Variants in C1QTNF3 observed in about 807,000 individuals in gnomAD.
C1QTNF3 encodes the protein C1q and TNF related 3.
C1QTNF3 carries 26 observed loss-of-function variants against 32.6 expected under a neutral mutation model. The ratio of observed to expected loss-of-function variants is 0.80; its 90% CI spans 0.58 to 1.11. The LOEUF (loss-of-function observed/expected upper bound fraction) is 1.11, where lower values mean the gene tolerates loss of function less well. Among genes scored for constraint, C1QTNF3 ranks in the 50% least tolerant of loss-of-function variants. The pLI, the probability that C1QTNF3 is intolerant of heterozygous loss-of-function variation, is 0.00. For missense variants in C1QTNF3, 362 were observed against 398.2 expected (o/e 0.91, Z 0.77); for synonymous variants, 155 against 146.0 (o/e 1.06, Z -0.44).
the C1QTNF3 span, among the ~76,000 whole-genome samples, chr5:34,211,629 A>C: frequency 8.0e-4 from 117 of 145,670 alleles, no homozygotes; most frequent in Non-Finnish European, 1.6e-3. Flanking sequence ...CGTATGAGTG[A>C]GAACATCCGG....
At chr5:34,077,022 A>G in the C1QTNF3 span, among the ~76,000 whole-genome samples, 7 of 151,824 alleles carry the variant, frequency 4.6e-5, no homozygotes, top group African/African-American at 1.7e-4. Flanking sequence ...TTATTTTAAC[A>G]AGCTGTTATA....
chr5:34,217,332 TAATAA>T, the C1QTNF3 span, among the ~76,000 whole-genome samples: 3 of 152,142 alleles, frequency 2.0e-5, no homozygotes, highest in African/African-American at 7.2e-5. Context: ...TTCAGAAACT[TAATAA>T]AATGAGAATT....
intron 3 of C1QTNF3, chr5:34,029,151 T>C (rs1754548488): frequency 4.1e-6 from 1 of 243,324 alleles, no homozygotes; most frequent in Admixed American, 5.5e-5. Context: ...AATTCTGTTA[T>C]CAAATAATAC....
chr5:34,078,559 C>T, the C1QTNF3 span, among the ~76,000 whole-genome samples: 1 of 151,568 alleles, frequency 6.6e-6, no homozygotes, highest in Non-Finnish European at 1.5e-5. The surrounding 1 kb of genome is among the most constrained non-coding windows in gnomAD (Gnocchi z 4.0). Context: ...GAAACCGCCT[C>T]CATGATCGAA....
At chr5:34,156,430 A>T in the C1QTNF3 span, among the ~76,000 whole-genome samples, 2,010 of 152,340 alleles carry the variant, frequency 0.013, 23 homozygotes, top group South Asian at 0.032. Flanking sequence ...TAGTATTTAT[A>T]CTGTGATTAT....
chr5:34,087,364 C>T, the C1QTNF3 span, among the ~76,000 whole-genome samples: 1 of 151,870 alleles, frequency 6.6e-6, no homozygotes, highest in Non-Finnish European at 1.5e-5. Context: ...GACAAAGTTT[C>T]GGATTAACAC....
rs1312461493 is a variant in C1QTNF3 at position 34,019,411 on chromosome 5, A to G, written c.*1172T>C. Reference sequence around the variant, plus strand: ...GTGAAAACTTAGAATTTAAGCATGAACATTACAAAGACTTAAGGTATGTGA... The same window carrying G: ...GTGAAAACTTAGAATTTAAGCATGAGCATTACAAAGACTTAAGGTATGTGA... On this transcript the variant is annotated 3_prime_UTR_variant, in exon 6 of 6. Coordinates refer to ENST00000382065, the MANE Select transcript of C1QTNF3 (RefSeq NM_181435.6). 2 of 152,234 alleles carry G rather than the reference A, an allele frequency of 1.3e-5. No homozygotes were observed. The highest frequency in any genetic ancestry group is 1.3e-4 in the Admixed American group (2 of 15,290). The allele number at this position is 152,234 out of a possible 1,614,324, so 9.4% of individuals were successfully genotyped here.
At chr5:34,170,396 A>C in the C1QTNF3 span, among the ~76,000 whole-genome samples, 2 of 152,142 alleles carry the variant, frequency 1.3e-5, no homozygotes, top group Non-Finnish European at 2.9e-5. Context: ...TGTGCATGTC[A>C]AAATTTGTTG....
the C1QTNF3 span, among the ~76,000 whole-genome samples, chr5:34,056,924 A>T: frequency 1.9e-4 from 29 of 152,204 alleles, no homozygotes; most frequent in African/African-American, 6.5e-4. Flanking sequence ...AACAAGCACA[A>T]ATAGTAACCT....
chr5:34,111,319 C>G, the C1QTNF3 span, among the ~76,000 whole-genome samples: 1 of 152,098 alleles, frequency 6.6e-6, no homozygotes, highest in African/African-American at 2.4e-5. Flanking sequence ...TCTTTATTCT[C>G]TTCAAACTCT....
chr5:34,126,115 G>A, the C1QTNF3 span, among the ~76,000 whole-genome samples: 1 of 152,172 alleles, frequency 6.6e-6, no homozygotes, highest in Admixed American at 6.5e-5. Flanking sequence ...GTTCTACTCA[G>A]ACAGAAAGTA....
the C1QTNF3 span, among the ~76,000 whole-genome samples, chr5:34,231,199 G>T: frequency 6.6e-6 from 1 of 152,136 alleles, no homozygotes; most frequent in African/African-American, 2.4e-5. Flanking sequence ...ATTTCAGGGA[G>T]TTCCACTGGT....
chr5:34,211,352 T>G, the C1QTNF3 span, among the ~76,000 whole-genome samples: 1 of 152,122 alleles, frequency 6.6e-6, no homozygotes, highest in East Asian at 1.9e-4. Flanking sequence ...GTTTATTATT[T>G]TGCATGAGGT....
At chr5:34,124,961 AG>A in the C1QTNF3 span, among the ~76,000 whole-genome samples, 1 of 152,142 alleles carries the variant, frequency 6.6e-6, no homozygotes, top group Admixed American at 6.5e-5. Flanking sequence ...TTACAAGGCA[AG>A]GAAGGGGAGG....
the C1QTNF3 span, among the ~76,000 whole-genome samples, chr5:34,134,534 A>T: frequency 6.6e-6 from 1 of 152,212 alleles, no homozygotes; most frequent in Non-Finnish European, 1.5e-5. Context: ...AATTTAAAAT[A>T]CTTAGCCTAG....
intron 4 of C1QTNF3, chr5:34,024,513 G>T: frequency 6.4e-6 from 1 of 155,106 alleles, no homozygotes; most frequent in Admixed American, 6.2e-5. Flanking sequence ...ATGTTTATGA[G>T]TTCTAAAGAA....
the C1QTNF3 span, among the ~76,000 whole-genome samples, chr5:34,065,196 CAA>C: frequency 6.6e-6 from 1 of 152,004 alleles, no homozygotes; most frequent in African/African-American, 2.4e-5. Flanking sequence ...AATCAACCAG[CAA>C]AAGACAGATA....
At chr5:34,177,204 A>T in the C1QTNF3 span, among the ~76,000 whole-genome samples, 2 of 152,200 alleles carry the variant, frequency 1.3e-5, no homozygotes, top group African/African-American at 4.8e-5. Context: ...AATTTTTTTA[A>T]ATTAAACCAA....
the C1QTNF3 span, among the ~76,000 whole-genome samples, chr5:34,083,974 G>A: frequency 6.6e-6 from 1 of 151,734 alleles, no homozygotes; most frequent in Non-Finnish European, 1.5e-5. Context: ...TCTGGGCAGT[G>A]TTGCATGGAA....
Sources: allele counts gnomAD v4.1 joint callset (sites outside exome capture counted in the v4.1 genomes callset), GRCh38; gene constraint gnomAD v4.1.1; non-coding constraint Gnocchi (gnomAD v3.1); transcripts MANE v1.5; gene names NCBI Gene and HGNC (gene_info 2026-07-23, HGNC 2026-07-21).